The following CTNNB1 variants were observed in gnomAD, a reference collection of about 807,000 sequenced individuals.
The protein encoded by CTNNB1 is catenin beta 1.
Under a neutral mutation model 82.5 loss-of-function variants are expected in CTNNB1, and 6 were observed. The ratio of observed to expected loss-of-function variants is 0.07; its 90% CI spans 0.04 to 0.14. The LOEUF is 0.14. Among genes scored for constraint, CTNNB1 ranks in the 10% least tolerant of loss-of-function variants. CTNNB1 has a pLI of 1.00. For missense variants in CTNNB1, 529 were observed against 980.4 expected (o/e 0.54, Z 6.15); for synonymous variants, 312 against 329.7 (o/e 0.95, Z 0.58).
At position 41,205,014 on chromosome 3, in the gene CTNNB1, A is replaced by T. The variant is rs1278136515; in HGVS notation, c.-49+5344A>T. The stretch of plus-strand genomic sequence containing the variant: ...ACCCACATTTTTAAAGTTAGGAATT[A>T]AGATGGCCAGGTTCAAGGAAAAGGG... On this transcript the variant is annotated intron_variant, in intron 1 of 14. Coordinates refer to ENST00000349496, the MANE Select transcript of CTNNB1 (RefSeq NM_001904.4). Among the ~76,000 whole-genome samples the T allele has an allele frequency of 4.6e-5, 7 of 152,222 alleles. No individual in the cohort carries two copies. The South Asian group carries it at 1.4e-3, about 31-fold the overall frequency.
chr3:41,208,990 G>A (rs6776881), intron 1 of CTNNB1, among the ~76,000 whole-genome samples: 60,743 of 151,912 alleles, frequency 0.4, 12,485 homozygotes, highest in Non-Finnish European at 0.45. Flanking sequence ...TTGAACCCCT[G>A]CCAGTGACCA....
chr3:41,211,027 A>G, intron 1 of CTNNB1: 1 of 456,536 alleles, frequency 2.2e-6, no homozygotes, highest in South Asian at 1.5e-5. Flanking sequence ...TCCTGGCATC[A>G]AGTAATCCTC....
At chr3:41,224,180 T>G in intron 2 of CTNNB1, 99 bp downstream of exon 2, 2 of 1,398,920 alleles carry the variant, frequency 1.4e-6, no homozygotes, top group Non-Finnish European at 2.0e-6. Context: ...TCTCCCTGCT[T>G]ACTTGTCAGG....
chr3:41,230,149 T>C (rs747000854), intron 7 of CTNNB1, among the ~76,000 whole-genome samples: 10 of 152,208 alleles, frequency 6.6e-5, no homozygotes, highest in Non-Finnish European at 1.3e-4. Context: ...TTATGATTGC[T>C]CCAGGTAACT....
In CTNNB1 at chr3:41,233,403, C is replaced by T. The variant is rs1275515249; in HGVS notation, c.1144C>T (p.Leu382Phe). Residue 382 changes from leucine to phenylalanine, a missense_variant, in exon 8 of 15, where the codon CTT becomes TTT. By Grantham distance (22) the Leu-to-Phe change is conservative. Around this residue, in one of 4 missense-constraint regions of CTNNB1, gnomAD observed 411 missense variants for 776.4 expected, o/e 0.53. Coordinates refer to ENST00000349496, the MANE Select transcript of CTNNB1 (RefSeq NM_001904.4). The stretch of plus-strand genomic sequence containing the variant: ...AAGTCAACGTCTTGTTCAGAACTGT[C>T]TTTGGACTCTCAGGAATCTTTCAGA... ...DPSQRLVQNC[L>F]WTLRNLSDAA... is the part of the protein sequence containing the mutation. 6.2e-7 allele frequency: 1 copy of T among 1,614,168 alleles called. No homozygotes were observed. The highest frequency in any genetic ancestry group is 8.5e-7 in the Non-Finnish European group (1 of 1,180,024).
Position 41,238,068 on chromosome 3 carries a change from G to A in CTNNB1, c.2129G>A (p.Arg710His), listed in dbSNP as rs200308943. 171 of 1,613,312 alleles carry A rather than the reference G, an allele frequency of 1.1e-4. No homozygotes were observed. The highest frequency in any genetic ancestry group is 1.3e-4 in the Non-Finnish European group (158 of 1,179,306). Residue 710 changes from arginine (R) to histidine (H), a missense_variant, in exon 14 of 15, where the codon CGC (arginine) becomes CAC (histidine). By Grantham distance (29) the Arg-to-His change is conservative (BLOSUM62 0). This residue lies in a region of CTNNB1 where 102 missense variants were observed against 130.8 expected (regional missense o/e 0.78). Transcript: ENST00000349496. ...IGAQGEPLGYRQDDPSYRSFH... is the reference protein window; with the variant it reads ...IGAQGEPLGYHQDDPSYRSFH... The stretch of plus-strand genomic sequence containing the variant: ...GCCCAGGGAGAACCCCTTGGATATC[G>A]CCAGGATGGTATGTGTCTCATATTT...
At chr3:41,233,939 G>A (rs974253117) in intron 9 of CTNNB1, 72 bp downstream of exon 9, 1 of 1,519,412 alleles carries the variant, frequency 6.6e-7, no homozygotes, top group Non-Finnish European at 9.1e-7. Flanking sequence ...TTGGATGGCT[G>A]TCTAAGCATA....
chr3:41,239,107 A>G (rs761953026), intron 14 of CTNNB1, 27 bp from the exon 15 acceptor site: 6 of 1,596,488 alleles, frequency 3.8e-6, no homozygotes, highest in African/African-American at 2.7e-5. Flanking sequence ...CTTCTTGCCT[A>G]TTTTGTTGAC....
intron 1 of CTNNB1, among the ~76,000 whole-genome samples, chr3:41,216,937 C>A (rs1183798106): frequency 6.6e-6 from 1 of 152,058 alleles, no homozygotes; most frequent in Admixed American, 6.5e-5. Flanking sequence ...AATGGTGTTT[C>A]TACTTTGCTA....
rs202217100 is a variant in CTNNB1 at position 41,225,094 on chromosome 3, C to T, written c.382C>T (p.Pro128Ser). The T allele has an allele frequency of 6.2e-7, 1 of 1,614,036 alleles. No individual in the cohort carries two copies. Among genetic ancestry groups the T allele is most frequent in the Non-Finnish European group, 8.5e-7 (1 of 1,179,994 alleles). ...HPTNVQRLAE[P>S]SQMLKHAVVN... ...CACTAATGTCCAGCGTTTGGCTGAACCATCACAGATGCTGAAACATGCAGT... is the reference window on the plus strand; with the variant it reads ...CACTAATGTCCAGCGTTTGGCTGAATCATCACAGATGCTGAAACATGCAGT... The change falls in exon 4 of 15, where the codon CCA becomes TCA. Residue 128 changes from proline to serine, a missense_variant. Physicochemically the swap from Pro to Ser is moderately conservative, Grantham distance 74. Transcript: ENST00000349496. This position sits in a 1 kb window ranked among gnomAD's most constrained non-coding sequence, Gnocchi z 5.3.
At chr3:41,202,219 A>T (rs975084319) in intron 1 of CTNNB1, among the ~76,000 whole-genome samples, 1 of 152,198 alleles carries the variant, frequency 6.6e-6, no homozygotes, top group African/African-American at 2.4e-5. Flanking sequence ...CTGTTACAAG[A>T]TTATTTTTAT....
intron 1 of CTNNB1, among the ~76,000 whole-genome samples, chr3:41,205,376 T>G (rs909163660): frequency 7.2e-5 from 11 of 152,250 alleles, no homozygotes; most frequent in Non-Finnish European, 1.3e-4. Flanking sequence ...CGATTTTGGT[T>G]AAATCTTTTG....
intron 1 of CTNNB1, among the ~76,000 whole-genome samples, chr3:41,201,699 T>TA (rs201378329): frequency 1.5e-3 from 222 of 150,706 alleles, no homozygotes; most frequent in African/African-American, 5.1e-3. Flanking sequence ...AAAACCAACT[T>TA]AAAAAAAAAT....
chr3:41,206,264 C>T (rs984666104), intron 1 of CTNNB1, among the ~76,000 whole-genome samples: 4 of 152,138 alleles, frequency 2.6e-5, no homozygotes, highest in African/African-American at 9.7e-5. Context: ...AATCAGTCTA[C>T]ATGGCATATA....
intron 7 of CTNNB1, among the ~76,000 whole-genome samples, chr3:41,232,141 T>G (rs527618659): frequency 6.6e-6 from 1 of 152,164 alleles, no homozygotes; most frequent in South Asian, 2.1e-4. Context: ...TGGGACTTTT[T>G]TTTTTACCCT....
At chr3:41,227,152 T>C (rs2078194183) in intron 6 of CTNNB1, 56 bp from the exon 7 acceptor site, 1 of 1,449,942 alleles carries the variant, frequency 6.9e-7, no homozygotes, top group Non-Finnish European at 9.7e-7. Flanking sequence ...ATGGCTCTTC[T>C]CAGACATGTG....
intron 1 of CTNNB1, among the ~76,000 whole-genome samples, chr3:41,208,986 C>G (rs887050506): frequency 6.6e-6 from 1 of 152,176 alleles, no homozygotes; most frequent in Non-Finnish European, 1.5e-5. Context: ...TCTTTTGAAC[C>G]CCTGCCAGTG....
chr3:41,209,057 C>A (rs2077716347), intron 1 of CTNNB1, among the ~76,000 whole-genome samples: 1 of 152,162 alleles, frequency 6.6e-6, no homozygotes, highest in Admixed American at 6.5e-5. Flanking sequence ...TATTTGGCAC[C>A]ATTGCTACAG....
At chr3:41,215,686 G>A (rs549263571) in intron 1 of CTNNB1, among the ~76,000 whole-genome samples, 1 of 152,192 alleles carries the variant, frequency 6.6e-6, no homozygotes, top group South Asian at 2.1e-4. Flanking sequence ...CTTACAACAC[G>A]TCGAGTAGAG....
Sources: allele counts gnomAD v4.1 joint callset (sites outside exome capture counted in the v4.1 genomes callset), GRCh38; gene constraint gnomAD v4.1.1; regional missense constraint gnomAD v4.1.1; non-coding constraint Gnocchi (gnomAD v3.1); transcripts MANE v1.5; gene names NCBI Gene and HGNC (gene_info 2026-07-23, HGNC 2026-07-21).